ARMC9: variants seen among roughly 807,000 people sequenced by gnomAD.
ARMC9 encodes the protein armadillo repeat containing 9.
ARMC9 carries 94 observed loss-of-function variants against 107.0 expected under a neutral mutation model. That is an observed-to-expected ratio of 0.88 (90% CI 0.74 to 1.04). The LOEUF (loss-of-function observed/expected upper bound fraction) is 1.04, where lower values mean the gene tolerates loss of function less well. ARMC9 is among the 50% of genes least tolerant of loss of function. The pLI, the probability that ARMC9 is intolerant of heterozygous loss-of-function variation, is 0.00. For synonymous variants in ARMC9, 380 were observed against 396.9 expected, an observed-to-expected ratio of 0.96 and a Z score of 0.51; for missense variants, 942 against 1,030.1, an observed-to-expected ratio of 0.91 and a Z score of 1.17.
intron 18 of ARMC9, among the ~76,000 whole-genome samples, chr2:231,292,103 G>A (rs1452916932): frequency 6.6e-6 from 1 of 150,498 alleles, no homozygotes; most frequent in African/African-American, 2.5e-5. Flanking sequence ...GGGAGGCGGA[G>A]GTTGTAGTGA....
chr2:231,234,274 G>C (rs2035511015), intron 7 of ARMC9, among the ~76,000 whole-genome samples: 1 of 152,172 alleles, frequency 6.6e-6, no homozygotes, highest in Non-Finnish European at 1.5e-5. Context: ...GCCTATTCCT[G>C]CCGAGACCAG....
intron 19 of ARMC9, among the ~76,000 whole-genome samples, chr2:231,304,485 C>G (rs974890633): frequency 1.1e-4 from 17 of 152,206 alleles, no homozygotes; most frequent in African/African-American, 3.9e-4. Context: ...CAACCTCCGC[C>G]TCCTGGGTTC....
intron 22 of ARMC9, among the ~76,000 whole-genome samples, chr2:231,357,151 T>C (rs1251988035): frequency 6.6e-6 from 1 of 152,206 alleles, no homozygotes; most frequent in East Asian, 1.9e-4. Flanking sequence ...AAGAACAGTT[T>C]ACTTTAGCCC....
chr2:231,232,742 C>A (rs947470504), intron 7 of ARMC9, among the ~76,000 whole-genome samples: 5 of 151,600 alleles, frequency 3.3e-5, no homozygotes, highest in Non-Finnish European at 7.4e-5. Flanking sequence ...TGAGCCACTG[C>A]GCCCGGCCTT....
chr2:231,269,104 T>C (rs989672723), intron 12 of ARMC9, among the ~76,000 whole-genome samples: 8 of 152,104 alleles, frequency 5.3e-5, no homozygotes, highest in East Asian at 3.9e-4. Flanking sequence ...ATTCCAATTC[T>C]TTATCTTTTG....
chr2:231,372,786 G>C lies in ARMC9; in HGVS notation c.*1251G>C, dbSNP rs928880972. ...TGTATGAAGGGAAATGGAAAGCAGA[G>C]AAAAGTCGCGTGCCCTCCCCCAGGC... is the stretch of plus-strand genomic sequence containing the variant. On this transcript the variant is annotated 3_prime_UTR_variant, in exon 25 of 25. Coordinates refer to ENST00000611582, the MANE Select transcript of ARMC9 (RefSeq NM_001352754.2). 3.3e-5 allele frequency: 5 copies of C among 151,862 alleles called. No homozygotes were observed. The highest frequency in any genetic ancestry group is 1.2e-4 in the African/African-American group (5 of 40,706). The allele number at this position is 151,862 out of a possible 1,614,324, so 9.4% of individuals were successfully genotyped here.
chr2:231,324,373 A>G (rs752405437), intron 19 of ARMC9, among the ~76,000 whole-genome samples: 4 of 148,150 alleles, frequency 2.7e-5, no homozygotes, highest in South Asian at 2.2e-4. Context: ...TAATCCGCCC[A>G]CCTCGGCCTC....
chr2:231,261,690 A>C (rs2038360218), intron 11 of ARMC9, among the ~76,000 whole-genome samples: 1 of 152,200 alleles, frequency 6.6e-6, no homozygotes, highest in Non-Finnish European at 1.5e-5. Context: ...CCTTTATATA[A>C]GAAATGCTTC....
intron 7 of ARMC9, among the ~76,000 whole-genome samples, chr2:231,234,778 A>T (rs1264849135): frequency 6.6e-6 from 1 of 151,874 alleles, no homozygotes; most frequent in African/African-American, 2.4e-5. Flanking sequence ...AAATTTTTGT[A>T]TTTTTTTAGT....
chr2:231,199,790 G>C (rs1338759970), intron 1 of ARMC9, among the ~76,000 whole-genome samples: 1 of 152,084 alleles, frequency 6.6e-6, no homozygotes, highest in Admixed American at 6.6e-5. Flanking sequence ...CCACCTCCTG[G>C]GTTCAAGCGA....
chr2:231,228,779 C>T (rs1185801460), intron 7 of ARMC9, among the ~76,000 whole-genome samples: 1 of 152,066 alleles, frequency 6.6e-6, no homozygotes, highest in East Asian at 1.9e-4. Flanking sequence ...TTGAATCTGC[C>T]AGGTCGCTGT....
chr2:231,319,511 G>T (rs1346756276), intron 19 of ARMC9, among the ~76,000 whole-genome samples: 2 of 152,192 alleles, frequency 1.3e-5, no homozygotes, highest in Non-Finnish European at 1.5e-5. Flanking sequence ...AAACACCTGA[G>T]GCTCATAAAT....
intron 23 of ARMC9, among the ~76,000 whole-genome samples, chr2:231,361,618 T>G (rs2045589471): frequency 6.6e-6 from 1 of 152,120 alleles, no homozygotes; most frequent in African/African-American, 2.4e-5. Flanking sequence ...TCGCCAGCTC[T>G]TTCTTTTGGA....
At chr2:231,217,308 G>C (rs1205194256) in intron 5 of ARMC9, among the ~76,000 whole-genome samples, 1 of 152,192 alleles carries the variant, frequency 6.6e-6, no homozygotes, top group Non-Finnish European at 1.5e-5. Context: ...AGTTGGCTGA[G>C]CACGGTGGCT....
rs746004762 is a variant in ARMC9, at chr2:231,375,749, C to T, written c.*4214C>T. 4.5e-4 allele frequency among the ~76,000 whole-genome samples: 68 copies of T among 152,130 alleles called. No individual in the cohort carries two copies. The highest frequency in any genetic ancestry group is 5.9e-4 in the Non-Finnish European group (40 of 68,038). ...AAAAGTCAGGGCTACAGAGCCCTAT[C>T]CAGAGTCGTCATCTTAAGGTGTCTA... is the stretch of plus-strand genomic sequence containing the variant. On this transcript the variant is annotated 3_prime_UTR_variant, in exon 25 of 25. Coordinates refer to ENST00000611582, the MANE Select transcript of ARMC9 (RefSeq NM_001352754.2). This position sits in a 1 kb window ranked among gnomAD's most constrained non-coding sequence, Gnocchi z 4.3.
At chr2:231,319,950 G>A (rs770590780) in intron 19 of ARMC9, among the ~76,000 whole-genome samples, 7 of 152,086 alleles carry the variant, frequency 4.6e-5, no homozygotes, top group Non-Finnish European at 1.0e-4. Context: ...CTATCTTGAA[G>A]TTGGTGTATT....
intron 19 of ARMC9, among the ~76,000 whole-genome samples, chr2:231,305,184 A>T (rs959588943): frequency 1.3e-5 from 2 of 152,234 alleles, no homozygotes; most frequent in Admixed American, 6.5e-5. Context: ...TCTACCTGTC[A>T]TCTATCATCT....
At chr2:231,208,433 G>A (rs764900602) in intron 3 of ARMC9, among the ~76,000 whole-genome samples, 181 bp downstream of exon 3, 79 of 152,216 alleles carry the variant, frequency 5.2e-4, no homozygotes, top group Non-Finnish European at 9.6e-4. Flanking sequence ...CCCTCCCCAG[G>A]AAATGTGTGG....
At chr2:231,305,491 C>G (rs1034737923) in intron 19 of ARMC9, among the ~76,000 whole-genome samples, 3 of 152,200 alleles carry the variant, frequency 2.0e-5, no homozygotes, top group African/African-American at 7.2e-5. Context: ...CAAATCCAGG[C>G]GTAGTTCTGC....
Sources: allele counts gnomAD v4.1 joint callset (sites outside exome capture counted in the v4.1 genomes callset), GRCh38; gene constraint gnomAD v4.1.1; non-coding constraint Gnocchi (gnomAD v3.1); transcripts MANE v1.5; gene names NCBI Gene and HGNC (gene_info 2026-07-23, HGNC 2026-07-21).